LOC128706665: variants seen among roughly 807,000 people sequenced by gnomAD.
At chr20:10,429,246 T>C in the LOC128706665 span, among the ~76,000 whole-genome samples, 2 of 152,208 alleles carry the variant, frequency 1.3e-5, no homozygotes, top group Non-Finnish European at 2.9e-5. Context: ...AATCTCCCTG[T>C]AGCCTTTTGA....
At chr20:10,416,659 G>T in the LOC128706665 span, among the ~76,000 whole-genome samples, 1 of 152,188 alleles carries the variant, frequency 6.6e-6, no homozygotes, top group Non-Finnish European at 1.5e-5. Context: ...AATGCATTTT[G>T]GGGTAACTGA....
chr20:10,421,963 A>G, the LOC128706665 span, among the ~76,000 whole-genome samples: 1 of 152,052 alleles, frequency 6.6e-6, no homozygotes, highest in African/African-American at 2.4e-5. Flanking sequence ...TGCATCTCTG[A>G]GTTTTAGTAC....
At chr20:10,428,795 G>C in the LOC128706665 span, among the ~76,000 whole-genome samples, 1 of 152,140 alleles carries the variant, frequency 6.6e-6, no homozygotes, top group Non-Finnish European at 1.5e-5. Context: ...AGTGAGTCGA[G>C]ATCGCGCCAT....
At chr20:10,418,561 G>C in the LOC128706665 span, among the ~76,000 whole-genome samples, 204 of 152,140 alleles carry the variant, frequency 1.3e-3, no homozygotes, top group African/African-American at 4.6e-3. Flanking sequence ...CTGCTTGCTT[G>C]ACTGGAAATG....
chr20:10,414,526 A>G, the LOC128706665 span, among the ~76,000 whole-genome samples: 305 of 152,094 alleles, frequency 2.0e-3, 1 homozygote, highest in Middle Eastern at 6.8e-3. Flanking sequence ...CTGCCTCCCA[A>G]AGTGCTGGGA....
the LOC128706665 span, among the ~76,000 whole-genome samples, chr20:10,421,167 C>G: frequency 6.6e-6 from 1 of 152,054 alleles, no homozygotes; most frequent in East Asian, 1.9e-4. Context: ...TGGTGGCTCA[C>G]GCCTGTATTC....
the LOC128706665 span, among the ~76,000 whole-genome samples, chr20:10,417,606 G>T: frequency 7.2e-5 from 11 of 152,074 alleles, no homozygotes; most frequent in Admixed American, 3.9e-4. Context: ...CAAGGCCTGT[G>T]CCCAAGAGTT....
chr20:10,423,390 C>G, the LOC128706665 span, among the ~76,000 whole-genome samples: 4 of 151,848 alleles, frequency 2.6e-5, no homozygotes, highest in Non-Finnish European at 5.9e-5. Flanking sequence ...CCATTGCACT[C>G]CAGGACAGGT....
the LOC128706665 span, among the ~76,000 whole-genome samples, chr20:10,432,275 C>G: frequency 6.6e-6 from 1 of 152,214 alleles, no homozygotes; most frequent in African/African-American, 2.4e-5. Flanking sequence ...TTCTATTGCC[C>G]AATCCTGCTT....
chr20:10,425,959 G>A, the LOC128706665 span, among the ~76,000 whole-genome samples: 273 of 152,334 alleles, frequency 1.8e-3, 7 homozygotes, highest in South Asian at 0.046. Context: ...AAGTAAAATA[G>A]AGTTGATATT....
At chr20:10,428,153 C>G in the LOC128706665 span, among the ~76,000 whole-genome samples, 1 of 152,218 alleles carries the variant, frequency 6.6e-6, no homozygotes. Flanking sequence ...TGAAAACTAG[C>G]TTACCAGCAA....
At chr20:10,421,547 T>C in the LOC128706665 span, among the ~76,000 whole-genome samples, 404 of 152,272 alleles carry the variant, frequency 2.7e-3, 12 homozygotes, top group East Asian at 0.058. Context: ...TCAACTGCGA[T>C]TGCAACAGCT....
chr20:10,425,802 A>ATT, the LOC128706665 span, among the ~76,000 whole-genome samples: 14 of 151,970 alleles, frequency 9.2e-5, no homozygotes, highest in African/African-American at 3.1e-4. Flanking sequence ...GAGAAATGAG[A>ATT]TTTTTTCCCT....
chr20:10,425,084 CATT>C, the LOC128706665 span, among the ~76,000 whole-genome samples: 1 of 150,926 alleles, frequency 6.6e-6, no homozygotes, highest in Non-Finnish European at 1.5e-5. Flanking sequence ...AGAAAATTAG[CATT>C]ACTGTTCTTT....
chr20:10,419,047 A>G, the LOC128706665 span, among the ~76,000 whole-genome samples: 2 of 152,154 alleles, frequency 1.3e-5, no homozygotes, highest in South Asian at 2.1e-4. Flanking sequence ...TGAACATTTA[A>G]AAGTAAAATC....
chr20:10,426,539 A>T, the LOC128706665 span, among the ~76,000 whole-genome samples: 2 of 152,192 alleles, frequency 1.3e-5, no homozygotes, highest in Non-Finnish European at 2.9e-5. Context: ...AGCTGAGATT[A>T]CAGGCCCACG....
the LOC128706665 span, among the ~76,000 whole-genome samples, chr20:10,429,955 A>G: frequency 2.6e-4 from 40 of 152,216 alleles, no homozygotes; most frequent in African/African-American, 8.9e-4. Flanking sequence ...TTCTGAAGCT[A>G]AAGTTTGAGA....
the LOC128706665 span, among the ~76,000 whole-genome samples, chr20:10,416,566 C>T: frequency 3.3e-5 from 5 of 152,048 alleles, no homozygotes; most frequent in South Asian, 8.3e-4. Context: ...AACAAAAACC[C>T]TAAGTGGCTT....
At chr20:10,427,029 G>GACACACACACACACACACACACACACAC in the LOC128706665 span, among the ~76,000 whole-genome samples, 9 of 130,724 alleles carry the variant, frequency 6.9e-5, no homozygotes, top group East Asian at 2.6e-4. Context: ...AGAAAACACT[G>GACACACACACACACACACACACACACAC]ACACACACAC....
Sources: allele counts gnomAD v4.1 joint callset (sites outside exome capture counted in the v4.1 genomes callset), GRCh38; gene constraint gnomAD v4.1.1; transcripts MANE v1.5.